Variants in NUAK1 observed in about 807,000 individuals in gnomAD.
NUAK1 encodes the protein NUAK family kinase 1.
NUAK1 carries 26 observed loss-of-function variants against 56.9 expected under a neutral mutation model. The ratio of observed to expected loss-of-function variants is 0.46; its 90% CI spans 0.33 to 0.63. NUAK1 has a LOEUF of 0.63. NUAK1 is among the 30% of genes least tolerant of loss of function. The pLI is 0.02. For synonymous variants in NUAK1, 337 were observed against 336.0 expected (o/e 1.00, Z -0.03); for missense variants, 727 against 876.1 (o/e 0.83, Z 2.15).
chr12:106,086,778 G>T lies in NUAK1; in HGVS notation c.469C>A (p.His157Asn). Residue 157 changes from histidine (H) to asparagine (N), a missense_variant, in exon 3 of 7, where the codon CAC becomes AAC. Coordinates refer to ENST00000261402, the MANE Select transcript of NUAK1 (RefSeq NM_014840.3). The stretch of plus-strand genomic sequence containing the variant: ...GCAGAGACGATCTGCCGGAAGAAGT[G>T]CCGGGTCTCCCTCTCACTGAGGCGT... ...RRRLSERETR[H>N]FFRQIVSAVH... 1 of 1,614,162 alleles carries T rather than the reference G, an allele frequency of 6.2e-7. No homozygotes were observed.
chr12:106,075,686 A>G (rs1452759959), intron 4 of NUAK1, among the ~76,000 whole-genome samples: 1 of 152,272 alleles, frequency 6.6e-6, no homozygotes, highest in Non-Finnish European at 1.5e-5. Context: ...GTGAAGAAAT[A>G]GAGAAATTTC....
intron 1 of NUAK1, among the ~76,000 whole-genome samples, chr12:106,134,367 G>A (rs2033108253): frequency 6.6e-6 from 1 of 152,198 alleles, no homozygotes; most frequent in Admixed American, 6.5e-5. Context: ...AATAGCTTTG[G>A]GTGCTTAAAA....
intron 2 of NUAK1, among the ~76,000 whole-genome samples, chr12:106,104,957 CTTTTTTT>C (rs201749100): frequency 7.1e-6 from 1 of 141,424 alleles, no homozygotes; most frequent in Non-Finnish European, 1.6e-5. Flanking sequence ...GTTCATTTTT[CTTTTTTT>C]TTTTTTTTAA....
At chr12:106,072,684 TC>T in intron 5 of NUAK1, 39 bp downstream of exon 5, 1 of 1,572,218 alleles carries the variant, frequency 6.4e-7, no homozygotes, top group South Asian at 1.2e-5. Context: ...CTCTTCTCCC[TC>T]CCCTCCCCTG....
chr12:106,073,750 G>A (rs540155568), intron 4 of NUAK1, among the ~76,000 whole-genome samples: 3 of 151,948 alleles, frequency 2.0e-5, no homozygotes, highest in East Asian at 3.9e-4. Flanking sequence ...CCTGAGAGGC[G>A]GAGATTGCAG....
chr12:106,086,780 C>T lies in NUAK1; in HGVS notation c.467G>A (p.Arg156Gln), dbSNP rs1379241199. ...ERRRLSERET[R>Q]HFFRQIVSAV... is the part of the protein sequence containing the mutation. ...AGAGACGATCTGCCGGAAGAAGTGC[C>T]GGGTCTCCCTCTCACTGAGGCGTCG... The change falls in exon 3 of 7, where the codon CGG (arginine) becomes CAG (glutamine). Residue 156 changes from arginine to glutamine, a missense_variant. Coordinates refer to ENST00000261402, the MANE Select transcript of NUAK1 (RefSeq NM_014840.3). The T allele has an allele frequency of 4.3e-6, 7 of 1,614,016 alleles. No homozygotes were observed. The East Asian group carries it at 8.9e-5, about 21-fold the overall frequency.
At chr12:106,093,153 T>C (rs747947032) in intron 2 of NUAK1, among the ~76,000 whole-genome samples, 1 of 152,206 alleles carries the variant, frequency 6.6e-6, no homozygotes, top group Non-Finnish European at 1.5e-5. Flanking sequence ...AGAAGGGGCC[T>C]GAAAAGATTT....
At chr12:106,127,001 A>G (rs1213062119) in intron 1 of NUAK1, among the ~76,000 whole-genome samples, 1 of 152,184 alleles carries the variant, frequency 6.6e-6, no homozygotes, top group Admixed American at 6.5e-5. Context: ...CTGAATCACA[A>G]ATAATAACAA....
chr12:106,108,898 G>T (rs1343453205), intron 1 of NUAK1, among the ~76,000 whole-genome samples: 1 of 152,178 alleles, frequency 6.6e-6, no homozygotes, highest in African/African-American at 2.4e-5. Context: ...TTTCAGCTGG[G>T]TGTGAAAAGG....
intron 1 of NUAK1, among the ~76,000 whole-genome samples, chr12:106,117,021 A>G (rs1405404637): frequency 6.6e-6 from 1 of 152,146 alleles, no homozygotes; most frequent in African/African-American, 2.4e-5. Flanking sequence ...CTACCCTTCA[A>G]GTTGCCTACC....
intron 2 of NUAK1, 104 bp downstream of exon 2, chr12:106,106,301 C>A (rs1191762739): frequency 1.9e-6 from 2 of 1,057,094 alleles, no homozygotes; most frequent in South Asian, 1.8e-5. Context: ...AGGAAAAATA[C>A]TTGGCTTCTG....
At chr12:106,133,808 T>C (rs2033103981) in intron 1 of NUAK1, among the ~76,000 whole-genome samples, 1 of 152,076 alleles carries the variant, frequency 6.6e-6, no homozygotes, top group Non-Finnish European at 1.5e-5. Flanking sequence ...CCTGAAACAA[T>C]CCTCTATGGA....
In NUAK1 at chr12:106,092,915, C is replaced by G. The variant is rs561075579; in HGVS notation, c.362-6030G>C. 9.9e-5 allele frequency among the ~76,000 whole-genome samples: 15 copies of G among 152,246 alleles called. No homozygotes were observed. In the East Asian group the frequency reaches 1.7e-3, roughly 18 times the overall value. On this transcript the variant is annotated intron_variant, in intron 2 of 6. Coordinates refer to ENST00000261402, the MANE Select transcript of NUAK1 (RefSeq NM_014840.3). ...TTCTCCTTCATTAAATGGAGCCAAA[C>G]TTACTGATTTTTCTGAAATGGCTTT...
At chr12:106,125,518 GATA>G (rs1158086313) in intron 1 of NUAK1, among the ~76,000 whole-genome samples, 3 of 152,134 alleles carry the variant, frequency 2.0e-5, no homozygotes, top group Admixed American at 6.5e-5. Flanking sequence ...AAATGAATGT[GATA>G]ATAATACAGG....
At chr12:106,083,779 C>CA in intron 4 of NUAK1, 85 bp downstream of exon 4, 3 of 1,204,980 alleles carry the variant, frequency 2.5e-6, no homozygotes, top group Non-Finnish European at 2.5e-6. Flanking sequence ...GCCTTATTTC[C>CA]AGGCTGCGGC....
rs975934189 is a variant in NUAK1, at chr12:106,063,720, T to C, written c.*3082A>G. ...TTTAATGTGCAGTCAAGTTTCTCTCTTTTTTTCTTCTAGGAATGATACCAT... is the reference window on the plus strand; with the variant it reads ...TTTAATGTGCAGTCAAGTTTCTCTCCTTTTTTCTTCTAGGAATGATACCAT... On this transcript the variant is annotated 3_prime_UTR_variant, in exon 7 of 7. Coordinates refer to ENST00000261402, the MANE Select transcript of NUAK1 (RefSeq NM_014840.3). 2 of 152,516 alleles carry C rather than the reference T, an allele frequency of 1.3e-5. No homozygotes were observed. The highest frequency in any genetic ancestry group is 4.8e-5 in the African/African-American group (2 of 41,394). 9.4% of individuals were successfully genotyped at this position (152,516 alleles called of 1,614,324 possible). A position where few individuals can be genotyped will look rare whatever the true frequency, so the allele number is the denominator to read the frequency against.
rs1191768372 is a variant in NUAK1, at chr12:106,067,128, G to A, written c.1660C>T (p.Pro554Ser). 6 of 1,614,220 alleles carry A rather than the reference G, an allele frequency of 3.7e-6. No individual in the cohort carries two copies. Among genetic ancestry groups the A allele is most frequent in the East Asian group, 4.5e-5 (2 of 44,878 alleles). The stretch of plus-strand genomic sequence containing the variant: ...GAGAGGCCCTCGGCAGGGACACCAG[G>A]CTCTGACAGGGATTCCAGTGTGGGC... ...EMPTLESLSE[P>S]GVPAEGLSRS... The change falls in exon 7 of 7, where the codon CCT becomes TCT. Residue 554 changes from proline to serine, a missense_variant. Transcript: ENST00000261402. The surrounding 1 kb of genome is among the most constrained non-coding windows in gnomAD (Gnocchi z 6.0).
intron 2 of NUAK1, among the ~76,000 whole-genome samples, chr12:106,102,339 C>A (rs1273372263): frequency 1.3e-5 from 2 of 152,202 alleles, no homozygotes; most frequent in African/African-American, 4.8e-5. Context: ...TATAGCAGCA[C>A]TGTCCGGCAG....
chr12:106,071,725 T>A (rs1479122041), intron 5 of NUAK1, among the ~76,000 whole-genome samples: 1 of 152,202 alleles, frequency 6.6e-6, no homozygotes, highest in Non-Finnish European at 1.5e-5. Context: ...AAATATTCAT[T>A]ATCTATGAGA....
Sources: gnomAD v4.1 joint callset for allele counts (sites outside exome capture counted in the v4.1 genomes callset) on GRCh38, gnomAD v4.1.1 for gene constraint, Gnocchi (gnomAD v3.1) non-coding constraint, MANE v1.5 for transcripts, NCBI Gene and HGNC (gene_info 2026-07-23, HGNC 2026-07-21) for gene names.